The following PIK3R3 variants were observed in gnomAD, a reference collection of about 807,000 sequenced individuals.
PIK3R3 encodes the protein phosphoinositide-3-kinase regulatory subunit 3.
In PIK3R3, 64 loss-of-function variants were observed where a neutral mutation model predicts 62.9. The ratio of observed to expected loss-of-function variants is 1.02; its 90% confidence interval spans 0.83 to 1.25. The LOEUF is 1.25. PIK3R3 is among the 50% of genes most tolerant of loss of function. The pLI, the probability that PIK3R3 is intolerant of heterozygous loss-of-function variation, is 0.00. For missense variants in PIK3R3, 614 were observed against 561.6 expected (o/e 1.09, Z -0.94); for synonymous variants, 165 against 189.0 (o/e 0.87, Z 1.04).
At chr1:46,090,869 T>C (rs192147820) in intron 1 of PIK3R3, among the ~76,000 whole-genome samples, 1 of 152,180 alleles carries the variant, frequency 6.6e-6, no homozygotes, top group Non-Finnish European at 1.5e-5. Context: ...ACAGTGGGAG[T>C]ATTTATACTT....
chr1:46,125,259 G>A (rs891523045), intron 1 of PIK3R3, among the ~76,000 whole-genome samples: 1 of 152,016 alleles, frequency 6.6e-6, no homozygotes, highest in Admixed American at 6.6e-5. Context: ...TGAAAGCAAT[G>A]ACTAATCTTT....
chr1:46,136,942 A>C (rs1655955805), upstream of PIK3R3, among the ~76,000 whole-genome samples: 1 of 152,342 alleles, frequency 6.6e-6, no homozygotes, highest in African/African-American at 2.4e-5. Context: ...ACAATAGTCC[A>C]GGCTGTTTCA....
At chr1:46,102,810 A>G in intron 1 of PIK3R3, among the ~76,000 whole-genome samples, 1 of 147,152 alleles carries the variant, frequency 6.8e-6, no homozygotes, top group East Asian at 2.1e-4. Context: ...TCTTAAAAAA[A>G]AAAAAAAAAA....
intron 5 of PIK3R3, 40 bp downstream of exon 5, chr1:46,066,014 A>T (rs769292259): frequency 5.1e-6 from 8 of 1,577,196 alleles, no homozygotes; most frequent in African/African-American, 1.3e-5. Flanking sequence ...TAACTAAAAC[A>T]TTGCACACAT....
intron 1 of PIK3R3, among the ~76,000 whole-genome samples, chr1:46,122,726 T>G (rs1654786527): frequency 2.0e-5 from 3 of 152,194 alleles, no homozygotes; most frequent in African/African-American, 7.2e-5. Flanking sequence ...TATATAAATC[T>G]TGCTAATAAC....
chr1:46,151,740 G>A, the PIK3R3 span, among the ~76,000 whole-genome samples: 3 of 152,138 alleles, frequency 2.0e-5, no homozygotes, highest in Admixed American at 2.0e-4. Context: ...GGACTCAGAG[G>A]TGTCCATGGT....
chr1:46,059,710 C>T (rs971987720), intron 6 of PIK3R3, among the ~76,000 whole-genome samples: 2 of 152,252 alleles, frequency 1.3e-5, no homozygotes, highest in Admixed American at 1.3e-4. Flanking sequence ...AAGTGGATCC[C>T]GTGAGCCCAG....
rs775374410 is a variant in PIK3R3, at chr1:46,077,574, C to T, written c.255G>A (p.Gly85=). The T allele has an allele frequency of 1.2e-6, 2 of 1,612,360 alleles. No individual in the cohort carries two copies. Among genetic ancestry groups the T allele is most frequent in the South Asian group, 1.1e-5 (1 of 91,038 alleles). ...TTGAGGCATCTCGGACCAAGAAGGT[C>T]CCATCTGGCATATCCCGCAATTTGT... The part of the protein sequence containing the change: ...VNDKLRDMPD[G]TFLVRDASTK... The change falls in exon 3 of 10, where the codon GGG becomes GGA. Residue 85 remains glycine, a synonymous_variant. Coordinates refer to ENST00000262741, the MANE Select transcript of PIK3R3 (RefSeq NM_003629.4).
intron 1 of PIK3R3, among the ~76,000 whole-genome samples, chr1:46,124,570 G>T (rs902130407): frequency 1.3e-5 from 2 of 152,058 alleles, no homozygotes; most frequent in Non-Finnish European, 2.9e-5. Context: ...GCCGAGGCGG[G>T]AAGACCACCT....
intron 6 of PIK3R3, among the ~76,000 whole-genome samples, chr1:46,058,572 C>A (rs1289225341): frequency 6.6e-6 from 1 of 152,230 alleles, no homozygotes; most frequent in Non-Finnish European, 1.5e-5. Flanking sequence ...GTCAGCATGT[C>A]CTGGATGTGA....
At chr1:46,111,163 A>G (rs1653710610) in intron 1 of PIK3R3, among the ~76,000 whole-genome samples, 1 of 152,150 alleles carries the variant, frequency 6.6e-6, no homozygotes, top group Admixed American at 6.6e-5. Flanking sequence ...GTGTTATTTC[A>G]TTACATATAT....
intron 2 of PIK3R3, among the ~76,000 whole-genome samples, chr1:46,079,595 T>C (rs1351337282): frequency 1.3e-5 from 2 of 152,242 alleles, no homozygotes; most frequent in African/African-American, 2.4e-5. Flanking sequence ...CCTAAATGTC[T>C]ACATGTCACT....
intron 1 of PIK3R3, among the ~76,000 whole-genome samples, chr1:46,123,133 T>A (rs991123428): frequency 6.6e-6 from 1 of 152,186 alleles, no homozygotes; most frequent in Non-Finnish European, 1.5e-5. Flanking sequence ...AAGAAACTTA[T>A]CTTGTTTGGG....
chr1:46,092,514 C>A (rs921754612), intron 1 of PIK3R3, among the ~76,000 whole-genome samples: 1 of 152,142 alleles, frequency 6.6e-6, no homozygotes, highest in African/African-American at 2.4e-5. Context: ...CAGGCACGTG[C>A]CACCACGCCC....
intron 1 of PIK3R3, among the ~76,000 whole-genome samples, chr1:46,129,807 T>C (rs1655421375): frequency 6.6e-6 from 1 of 152,240 alleles, no homozygotes; most frequent in Non-Finnish European, 1.5e-5. Context: ...TTCAAAAAGC[T>C]GTTAGGAATA....
At chr1:46,051,850 T>C (rs1001893414) in intron 7 of PIK3R3, among the ~76,000 whole-genome samples, 13 of 152,156 alleles carry the variant, frequency 8.5e-5, no homozygotes, top group Non-Finnish European at 1.9e-4. Context: ...ATTTAATTTA[T>C]AAATTAAGCA....
intron 1 of PIK3R3, among the ~76,000 whole-genome samples, chr1:46,097,155 A>G (rs1458617318): frequency 6.6e-6 from 1 of 152,156 alleles, no homozygotes; most frequent in Non-Finnish European, 1.5e-5. Flanking sequence ...TGGCTCAACA[A>G]ACAAAAATCA....
chr1:46,140,568 A>T, the PIK3R3 span, among the ~76,000 whole-genome samples: 44 of 152,366 alleles, frequency 2.9e-4, 1 homozygote, highest in Non-Finnish European at 4.4e-4. Context: ...TCTAATGATC[A>T]GTGTGTCCTT....
intron 7 of PIK3R3, among the ~76,000 whole-genome samples, chr1:46,055,464 T>TA (rs1647798045): frequency 1.3e-5 from 2 of 152,334 alleles, no homozygotes; most frequent in East Asian, 3.9e-4. Flanking sequence ...TTCTAGTATG[T>TA]AAACAAAGAT....
Sources: allele counts gnomAD v4.1 joint callset (sites outside exome capture counted in the v4.1 genomes callset), GRCh38; gene constraint gnomAD v4.1.1; transcripts MANE v1.5; gene names NCBI Gene and HGNC (gene_info 2026-07-23, HGNC 2026-07-21).